Variants in TTC21B observed in about 807,000 individuals in gnomAD.
The protein encoded by TTC21B is tetratricopeptide repeat domain 21B.
TTC21B carries 127 observed loss-of-function variants against 175.1 expected under a neutral mutation model. The observed-to-expected ratio is 0.73, with a 90% CI of 0.63 to 0.84. The LOEUF (loss-of-function observed/expected upper bound fraction) is 0.84. Among genes scored for constraint, TTC21B ranks in the 40% least tolerant of loss-of-function variants. The pLI is 0.00. For synonymous variants in TTC21B, 524 were observed against 524.5 expected, an observed-to-expected ratio of 1.00 and a Z score of 0.01; for missense variants, 1,561 against 1,558.3, an observed-to-expected ratio of 1.00 and a Z score of -0.03.
intron 1 of TTC21B, among the ~76,000 whole-genome samples, chr2:165,950,349 C>T (rs1687723175): frequency 6.6e-6 from 1 of 152,180 alleles, no homozygotes; most frequent in South Asian, 2.1e-4. Flanking sequence ...GACAAAACTA[C>T]TATCAGGACC....
At chr2:165,878,786 A>G (rs1417672978) in intron 27 of TTC21B, among the ~76,000 whole-genome samples, 2 of 151,296 alleles carry the variant, frequency 1.3e-5, no homozygotes, top group African/African-American at 2.4e-5. Context: ...GGTTCAAGCA[A>G]TTCTCCTGCC....
chr2:165,945,958 G>A (rs556538711), intron 3 of TTC21B, among the ~76,000 whole-genome samples: 23 of 152,238 alleles, frequency 1.5e-4, no homozygotes, highest in Admixed American at 4.6e-4. Context: ...AAAAATTAAT[G>A]AGATATTTTG....
At chr2:165,923,575 G>A (rs1686501624) in intron 12 of TTC21B, among the ~76,000 whole-genome samples, 1 of 149,214 alleles carries the variant, frequency 6.7e-6, no homozygotes, top group Non-Finnish European at 1.5e-5. Context: ...CTCCCGAGTA[G>A]CTGGGACTAT....
At chr2:165,946,097 G>A (rs1362266733) in intron 3 of TTC21B, among the ~76,000 whole-genome samples, 2 of 151,802 alleles carry the variant, frequency 1.3e-5, no homozygotes, top group Admixed American at 6.6e-5. Context: ...AGGCCAAGGC[G>A]GGCGGATCAC....
At chr2:165,922,109 T>C (rs950200151) in intron 12 of TTC21B, among the ~76,000 whole-genome samples, 1 of 152,126 alleles carries the variant, frequency 6.6e-6, no homozygotes, top group Non-Finnish European at 1.5e-5. Context: ...TAGATTGACA[T>C]ATAAATTTTC....
chr2:165,932,811 T>C (rs947299875), intron 7 of TTC21B, among the ~76,000 whole-genome samples, 162 bp downstream of exon 7: 3 of 152,162 alleles, frequency 2.0e-5, no homozygotes, highest in African/African-American at 7.2e-5. Context: ...GCTGACCTCT[T>C]TGTTAAGGTA....
chr2:165,893,278 A>C (rs1685255442), intron 22 of TTC21B, among the ~76,000 whole-genome samples: 1 of 152,204 alleles, frequency 6.6e-6, no homozygotes, highest in South Asian at 2.1e-4. Context: ...TGTTGACAAG[A>C]AATAGAGTAA....
At chr2:165,930,023 T>C in intron 9 of TTC21B, 149 bp downstream of exon 9, 2 of 737,006 alleles carry the variant, frequency 2.7e-6, no homozygotes, top group Non-Finnish European at 2.2e-6. Context: ...ATTAAAAATT[T>C]TAAAGACATG....
chr2:165,890,018 T>A (rs1685133895), intron 24 of TTC21B, among the ~76,000 whole-genome samples: 1 of 152,182 alleles, frequency 6.6e-6, no homozygotes, highest in Non-Finnish European at 1.5e-5. Flanking sequence ...CTTGCCTCCA[T>A]CATTACTATC....
intron 12 of TTC21B, among the ~76,000 whole-genome samples, chr2:165,923,418 T>C (rs1451122448): frequency 2.6e-5 from 4 of 151,234 alleles, no homozygotes; most frequent in East Asian, 2.0e-4. Flanking sequence ...CAAAGGTACA[T>C]ACAGACAAGC....
Position 165,917,272 on chromosome 2 carries a change from G to A in TTC21B, c.1884C>T (p.Arg628=). 1.2e-6 allele frequency: 2 copies of A among 1,614,070 alleles called. No individual in the cohort carries two copies. Among genetic ancestry groups the A allele is most frequent in the Non-Finnish European group, 1.7e-6 (2 of 1,179,946 alleles). ...CTTGACCTACCTGCTCTCCATTTAA[G>A]CGGTGAACGTCTATCAATTCAAGAA... ...SIFLELIDVH[R]LNGEQHEATK... is the part of the protein sequence containing the mutation. The change falls in exon 14 of 29, where the codon CGC becomes CGT. Residue 628 remains arginine, a synonymous_variant. Coordinates refer to ENST00000243344, the MANE Select transcript of TTC21B (RefSeq NM_024753.5).
At chr2:165,892,658 CT>C (rs201758046) in intron 22 of TTC21B, among the ~76,000 whole-genome samples, 4,189 of 152,220 alleles carry the variant, frequency 0.028, 91 homozygotes, top group Non-Finnish European at 0.043. Flanking sequence ...ACAGAGGTGC[CT>C]AGAATAAATT....
At chr2:165,941,469 C>T (rs570305824) in intron 5 of TTC21B, among the ~76,000 whole-genome samples, 350 of 89,514 alleles carry the variant, frequency 3.9e-3, no homozygotes, top group Middle Eastern at 7.5e-3. Flanking sequence ...ATAATGTTTC[C>T]ATTTAAAACA....
At chr2:165,931,903 A>G (rs1385601348) in intron 7 of TTC21B, 47 bp from the exon 8 acceptor site, 1 of 1,205,090 alleles carries the variant, frequency 8.3e-7, no homozygotes, top group African/African-American at 1.5e-5. Flanking sequence ...CTAAGTAAAA[A>G]CAACATAATA....
chr2:165,894,441 C>A (rs1685294677), intron 22 of TTC21B, among the ~76,000 whole-genome samples: 1 of 152,102 alleles, frequency 6.6e-6, no homozygotes, highest in African/African-American at 2.4e-5. Context: ...AACGGAGATG[C>A]ATGTTTTAGA....
intron 28 of TTC21B, among the ~76,000 whole-genome samples, chr2:165,875,042 T>C (rs1488233219): frequency 1.3e-5 from 2 of 151,720 alleles, no homozygotes; most frequent in African/African-American, 2.4e-5. Context: ...AGAATGTAAA[T>C]ATCAAATGCA....
intron 12 of TTC21B, among the ~76,000 whole-genome samples, chr2:165,922,804 T>C (rs1389725061): frequency 2.0e-5 from 3 of 152,084 alleles, no homozygotes; most frequent in Admixed American, 1.3e-4. Context: ...TGCAGTACAA[T>C]TCATAATTGC....
rs755467705 is a variant in TTC21B at position 165,880,701 on chromosome 2, G to A, written c.3783C>T (p.Ser1261=). The change falls in exon 27 of 29, where the codon AGC becomes AGT. Residue 1261 remains serine, a synonymous_variant. Coordinates refer to ENST00000243344, the MANE Select transcript of TTC21B (RefSeq NM_024753.5). ...ALNYEMAWKY[S]NRTNPAVGYK... ...CACCTACTGCCGGATTTGTCCGATT[G>A]CTATATTTCCATGCCATCTCATAGT... 1 of 1,613,530 alleles carries A rather than the reference G, an allele frequency of 6.2e-7. No homozygotes were observed. The highest frequency in any genetic ancestry group is 1.1e-5 in the South Asian group (1 of 91,076).
rs1193072500 is a variant in TTC21B at position 165,873,909 on chromosome 2, TACC to T, written c.*843_*845del. 5 of 152,158 alleles carry T rather than the reference TACC, an allele frequency of 3.3e-5. No individual in the cohort carries two copies. In the East Asian group the frequency reaches 9.6e-4, roughly 29 times the overall value. 9.4% of individuals were successfully genotyped at this position (152,158 alleles called of 1,614,324 possible). On this transcript the variant is annotated 3_prime_UTR_variant, in exon 29 of 29. Coordinates refer to ENST00000243344, the MANE Select transcript of TTC21B (RefSeq NM_024753.5). The stretch of plus-strand genomic sequence containing the variant: ...GGAGCTTACCCTGATTTGCAAAACT[TACC>T]ACATCTTTTGAGTTCCAAGAGGAAT...
Sources: allele counts gnomAD v4.1 joint callset (sites outside exome capture counted in the v4.1 genomes callset), GRCh38; gene constraint gnomAD v4.1.1; transcripts MANE v1.5; gene names NCBI Gene and HGNC (gene_info 2026-07-23, HGNC 2026-07-21).